SPDYE16: variants seen among roughly 807,000 people sequenced by gnomAD.
SPDYE16 encodes speedy protein E16.
A neutral mutation model predicts 40.1 loss-of-function variants in SPDYE16; 5 were observed. The ratio of observed to expected loss-of-function variants is 0.12; its 90% CI spans 0.07 to 0.26. The LOEUF is 0.26. SPDYE16 is among the 10% of genes least tolerant of loss of function. The pLI, the probability that SPDYE16 is intolerant of heterozygous loss-of-function variation, is 1.00. For missense variants in SPDYE16, 98 were observed against 409.8 expected (o/e 0.24, Z 6.57); for synonymous variants, 40 against 154.2 (o/e 0.26, Z 5.49).
rs376444763 is a variant in SPDYE16, at chr7:76,536,404, A to G, written c.670-147T>C. On this transcript the variant is annotated intron_variant, in intron 5 of 8. Coordinates refer to ENST00000633306, the MANE Select transcript of SPDYE16 (RefSeq NM_001394943.1). ...GTGACTGTACTCATTTGGAAATTGC[A>G]GGATGGAGGGGTATTCGAAGGTCAG... The G allele has an allele frequency of 3.0e-3, 1,475 of 490,176 alleles. 417 individuals are homozygous for G. Among genetic ancestry groups the G allele is most frequent in the South Asian group, 9.5e-3 (351 of 37,140 alleles). The allele number at this position is 490,176 out of a possible 1,614,324, so 30.4% of individuals were successfully genotyped here. A position where few individuals can be genotyped will look rare whatever the true frequency, so the allele number is the denominator to read the frequency against.
chr7:76,536,574 G>A (rs1388053500), intron 5 of SPDYE16, among the ~76,000 whole-genome samples: 1 of 106,652 alleles, frequency 9.4e-6, no homozygotes, highest in East Asian at 2.2e-4. Context: ...GTCCCGAAGA[G>A]CTGAGAGTAG....
intron 3 of SPDYE16, among the ~76,000 whole-genome samples, chr7:76,539,060 A>C (rs1584287827): frequency 3.0e-5 from 2 of 67,226 alleles, no homozygotes. Flanking sequence ...TGGCTCTCTG[A>C]GTCTCTCTTT....
intron 2 of SPDYE16, among the ~76,000 whole-genome samples, chr7:76,541,024 C>T (rs1813167578): frequency 1.6e-5 from 2 of 125,162 alleles, no homozygotes; most frequent in East Asian, 2.3e-4. Flanking sequence ...CTCACTGCAA[C>T]CTCTTCCTCC....
At chr7:76,534,510 C>G (rs1252111998) in intron 6 of SPDYE16, among the ~76,000 whole-genome samples, 2 of 86,156 alleles carry the variant, frequency 2.3e-5, no homozygotes, top group Non-Finnish European at 4.6e-5. Flanking sequence ...AATACCAGCA[C>G]TTTAGAAGGC....
At chr7:76,538,510 GA>G in intron 4 of SPDYE16, 75 bp downstream of exon 4, 1 of 827,688 alleles carries the variant, frequency 1.2e-6, no homozygotes, top group Non-Finnish European at 1.7e-6. Context: ...TTTCCCATTG[GA>G]AAAGTGTGGT....
chr7:76,532,408 T>C lies in SPDYE16; in HGVS notation c.*432A>G, dbSNP rs553667991. On this transcript the variant is annotated 3_prime_UTR_variant, in exon 9 of 9. Transcript: ENST00000633306. ...GCACTGATATTTCACAAAAGAATTC[T>C]GTGCCAATCTGAGCCCCTGCATTGT... 5.2e-5 allele frequency: 7 copies of C among 134,404 alleles called. 2 individuals carry two copies. The Middle Eastern group carries it at 9.7e-3, about 187-fold the overall frequency. 8.3% of individuals were successfully genotyped at this position (134,404 alleles called of 1,614,324 possible).
intron 2 of SPDYE16, 66 bp downstream of exon 2, chr7:76,541,234 G>A (rs866370806): frequency 4.0e-5 from 59 of 1,484,160 alleles, no homozygotes; most frequent in African/African-American, 1.2e-4. Flanking sequence ...GTGAGCCACC[G>A]CACCTGGCCC....
chr7:76,535,236 G>C (rs1813013934), intron 6 of SPDYE16, among the ~76,000 whole-genome samples: 1 of 98,720 alleles, frequency 1.0e-5, no homozygotes, highest in Non-Finnish European at 2.0e-5. Context: ...GCCGAGCCAG[G>C]AAATACCAAG....
In SPDYE16 at chr7:76,541,435, G is replaced by A. The variant is rs561457704; in HGVS notation, c.25C>T (p.Arg9Cys). 22 of 1,534,614 alleles carry A rather than the reference G, an allele frequency of 1.4e-5. No individual in the cohort carries two copies. Among genetic ancestry groups the A allele is most frequent in the African/African-American group, 8.2e-5 (6 of 72,852 alleles). ...TTTCCCTTAATCTGTCCCCTCTTAC[G>A]GAACCTAGTCTCCGTTCTGTCCATG... is the stretch of plus-strand genomic sequence containing the variant. Reference protein sequence around the residue: MDRTETRFRKRGQIKGKIT... With the variant: MDRTETRFCKRGQIKGKIT... Residue 9 changes from arginine to cysteine, a missense_variant, in exon 2 of 9, where the codon CGT (arginine) becomes TGT (cysteine). Transcript: ENST00000633306.
In SPDYE16 at chr7:76,541,310, C is replaced by T; in HGVS notation, c.150G>A (p.Leu50=). The part of the protein sequence containing the change: ...SLQEVVDDEV[L]GSSAPGVDPS... ...CACCAGTCCCCTCACCTGATGATCC[C>T]AACACTTCATCATCCACCACCTCCT... The change falls in exon 2 of 9, where the codon TTG becomes TTA. Residue 50 remains leucine, a synonymous_variant. Coordinates refer to ENST00000633306, the MANE Select transcript of SPDYE16 (RefSeq NM_001394943.1). 1.3e-6 allele frequency: 2 copies of T among 1,534,596 alleles called. No individual in the cohort carries two copies. Among genetic ancestry groups the T allele is most frequent in the Non-Finnish European group, 1.7e-6 (2 of 1,146,630 alleles).
chr7:76,537,068 C>T (rs1318338973), intron 5 of SPDYE16, among the ~76,000 whole-genome samples: 7 of 55,842 alleles, frequency 1.3e-4, no homozygotes, highest in African/African-American at 4.5e-4. Context: ...GGGAGCTGGT[C>T]GGGCACAGTG....
chr7:76,539,071 T>TTA (rs1813105108), intron 3 of SPDYE16, among the ~76,000 whole-genome samples: 1 of 75,966 alleles, frequency 1.3e-5, no homozygotes, highest in Admixed American at 1.3e-4. Context: ...GTCTCTCTTT[T>TTA]TTTTTTTTTT....
rs751384083 is a variant in SPDYE16, at chr7:76,541,350, G to A, written c.110C>T (p.Ser37Leu). 1.6e-5 allele frequency: 24 copies of A among 1,534,702 alleles called. No homozygotes were observed. The highest frequency in any genetic ancestry group is 7.1e-5 in the South Asian group (6 of 83,964). ...CACCACCTCCTGGAGGGAGTACCCC[G>A]AGGTGCTCCGCTGGGGACTCTGCTC... ...QNEQSPQRST[S>L]GYSLQEVVDD... Residue 37 changes from serine to leucine, a missense_variant, in exon 2 of 9, where the codon TCG becomes TTG. By Grantham distance (145) the Ser-to-Leu change is moderately radical. Coordinates refer to ENST00000633306, the MANE Select transcript of SPDYE16 (RefSeq NM_001394943.1).
chr7:76,541,346 C>A lies in SPDYE16; in HGVS notation c.114G>T (p.Gly38=). The part of the protein sequence containing the change: ...NEQSPQRSTS[G]YSLQEVVDDE... Reference sequence around the variant, plus strand: ...CATCCACCACCTCCTGGAGGGAGTACCCCGAGGTGCTCCGCTGGGGACTCT... The same window carrying A: ...CATCCACCACCTCCTGGAGGGAGTAACCCGAGGTGCTCCGCTGGGGACTCT... The change falls in exon 2 of 9, where the codon GGG becomes GGT. Residue 38 remains glycine, a synonymous_variant. Transcript: ENST00000633306. 4 of 1,534,898 alleles carry A rather than the reference C, an allele frequency of 2.6e-6. No homozygotes were observed. Among genetic ancestry groups the A allele is most frequent in the South Asian group, 1.2e-5 (1 of 83,956 alleles).
intron 1 of SPDYE16, among the ~76,000 whole-genome samples, chr7:76,542,119 C>G (rs1195327670): frequency 3.4e-5 from 5 of 148,824 alleles, no homozygotes; most frequent in Non-Finnish European, 7.5e-5. Flanking sequence ...TACAAGAGAT[C>G]CCAGGAATAC....
chr7:76,535,696 CT>C lies in SPDYE16; in HGVS notation c.755+475del, dbSNP rs766282349. Among the ~76,000 whole-genome samples, 79 of 26,738 alleles carry C rather than the reference CT, an allele frequency of 3.0e-3. 1 individual carries two copies. Among genetic ancestry groups the C allele is most frequent in the East Asian group, 0.018 (17 of 952 alleles). 17.5% of individuals were successfully genotyped at this position (26,738 alleles called of 152,430 possible). A position where few individuals can be genotyped will look rare whatever the true frequency, so the allele number is the denominator to read the frequency against. On this transcript the variant is annotated intron_variant, in intron 6 of 8. Transcript: ENST00000633306. The stretch of plus-strand genomic sequence containing the variant: ...CTGGCATTGGAGTTTGTTTTTTTGG[CT>C]TTTTTTTTTTTTTTTTTTTTTTTTG...
At chr7:76,540,977 T>TTC (rs1378481392) in intron 2 of SPDYE16, among the ~76,000 whole-genome samples, 1 of 139,006 alleles carries the variant, frequency 7.2e-6, no homozygotes, top group African/African-American at 2.9e-5. Flanking sequence ...TTCTTTTCTT[T>TTC]TTTTTTTTTT....
Position 76,536,508 on chromosome 7 carries a change from G to T in SPDYE16, c.670-251C>A, listed in dbSNP as rs1584286307. ...GGGCTCCGATGGGATCTTTGGAGGG[G>T]GTGTGTCTAGGTCGGCTGGTGTCAG... On this transcript the variant is annotated intron_variant, in intron 5 of 8. Coordinates refer to ENST00000633306, the MANE Select transcript of SPDYE16 (RefSeq NM_001394943.1). Among the ~76,000 whole-genome samples, 4 of 94,260 alleles carry T rather than the reference G, an allele frequency of 4.2e-5. No individual in the cohort carries two copies. In the East Asian group the frequency reaches 9.8e-4, roughly 23 times the overall value. 61.8% of individuals were successfully genotyped at this position (94,260 alleles called of 152,430 possible).
rs1402404450 is a variant in SPDYE16, at chr7:76,537,910, C to T, written c.611-359G>A. On this transcript the variant is annotated intron_variant, in intron 4 of 8. Transcript: ENST00000633306. The stretch of plus-strand genomic sequence containing the variant: ...CAGGGTGTGACCATGGCCTTGGGAT[C>T]CCCCACTATGGATGGAGACACTTAG... Among the ~76,000 whole-genome samples, 30 of 77,150 alleles carry T rather than the reference C, an allele frequency of 3.9e-4. 8 individuals are homozygous for T. Among genetic ancestry groups the T allele is most frequent in the Non-Finnish European group, 1.3e-4 (5 of 39,684 alleles). 50.6% of individuals were successfully genotyped at this position (77,150 alleles called of 152,430 possible). A position where few individuals can be genotyped will look rare whatever the true frequency, so the allele number is the denominator to read the frequency against.
Sources: allele counts gnomAD v4.1 joint callset (sites outside exome capture counted in the v4.1 genomes callset), GRCh38; gene constraint gnomAD v4.1.1; transcripts MANE v1.5; gene names NCBI Gene and HGNC (gene_info 2026-07-23, HGNC 2026-07-21).